AGAP1: variants seen among roughly 807,000 people sequenced by gnomAD.
AGAP1 encodes the protein ArfGAP with GTPase domain, ankyrin repeat and PH domain 1.
A neutral mutation model predicts 105.3 loss-of-function variants in AGAP1; 29 were observed. That is an observed-to-expected ratio of 0.28 (90% CI 0.21 to 0.38). The LOEUF is 0.38. AGAP1 is among the 10% of genes least tolerant of loss of function. AGAP1 has a pLI of 1.00. For synonymous variants in AGAP1, 509 were observed against 485.9 expected, an observed-to-expected ratio of 1.05 and a Z score of -0.63; for missense variants, 998 against 1,165.1, an observed-to-expected ratio of 0.86 and a Z score of 2.09.
chr2:235,740,689 A>G lies in AGAP1; in HGVS notation c.311-274A>G, dbSNP rs1429449673. On this transcript the variant is annotated intron_variant, in intron 3 of 17. Transcript: ENST00000304032. This position sits in a 1 kb window ranked among gnomAD's most constrained non-coding sequence, Gnocchi z 5.7. ...ATTCCTGAATTTACATAGAAAGCCC[A>G]CATGAGAAGTCCACACTAATTGGCC... 6.6e-6 allele frequency among the ~76,000 whole-genome samples: 1 copy of G among 152,258 alleles called. No homozygotes were observed. Among genetic ancestry groups the G allele is most frequent in the Non-Finnish European group, 1.5e-5 (1 of 68,050 alleles).
chr2:235,965,077 T>G lies in AGAP1; in HGVS notation c.1484-3385T>G, dbSNP rs929198600. Among the ~76,000 whole-genome samples, 1 of 152,202 alleles carries G rather than the reference T, an allele frequency of 6.6e-6. No homozygotes were observed. Among genetic ancestry groups the G allele is most frequent in the African/African-American group, 2.4e-5 (1 of 41,438 alleles). On this transcript the variant is annotated intron_variant, in intron 12 of 17. Coordinates refer to ENST00000304032, the MANE Select transcript of AGAP1 (RefSeq NM_001037131.3). The surrounding 1 kb of genome is among the most constrained non-coding windows in gnomAD (Gnocchi z 5.8). Reference sequence around the variant, plus strand: ...ACTGCTGGCTACACCTCGGGTACAGTTAACCAAGGAGGTTTACCAGATGTC... The same window carrying G: ...ACTGCTGGCTACACCTCGGGTACAGGTAACCAAGGAGGTTTACCAGATGTC...
chr2:235,603,434 C>A (rs1011544129), intron 1 of AGAP1, among the ~76,000 whole-genome samples: 4 of 152,152 alleles, frequency 2.6e-5, no homozygotes, highest in African/African-American at 9.7e-5. Flanking sequence ...ACTGTGAGCT[C>A]CCAGAGTGCA....
Position 235,971,089 on chromosome 2 carries a change from C to T in AGAP1, c.1645+2466C>T, listed in dbSNP as rs145822942. On this transcript the variant is annotated intron_variant, in intron 13 of 17. Transcript: ENST00000304032. This position sits in a 1 kb window ranked among gnomAD's most constrained non-coding sequence, Gnocchi z 4.8. Reference sequence around the variant, plus strand: ...TCCAAGGCAGAGGTTCCAAGGGAGCCACCTCACTCTCTAATTAGGAGAGTC... The same window carrying T: ...TCCAAGGCAGAGGTTCCAAGGGAGCTACCTCACTCTCTAATTAGGAGAGTC... 8.8e-3 allele frequency among the ~76,000 whole-genome samples: 1,339 copies of T among 152,274 alleles called. 17 individuals are homozygous for T. The highest frequency in any genetic ancestry group is 0.031 in the African/African-American group (1,277 of 41,548).
rs2050624179 is a variant in AGAP1, at chr2:235,893,155, CCAT to C, written c.1155+9710_1155+9712del. Among the ~76,000 whole-genome samples the C allele has an allele frequency of 1.3e-5, 2 of 150,724 alleles. No individual in the cohort carries two copies. On this transcript the variant is annotated intron_variant, in intron 10 of 17. Transcript: ENST00000304032. The surrounding 1 kb of genome is among the most constrained non-coding windows in gnomAD (Gnocchi z 4.7). Reference sequence around the variant, plus strand: ...GTCTGTGGCGTAGTGTGCACCGTGTCCATCATAAGGGAGCGCTGTGTCTTTGGC... The same window carrying C: ...GTCTGTGGCGTAGTGTGCACCGTGTCCATAAGGGAGCGCTGTGTCTTTGGC...
chr2:235,757,543 C>T (rs565136897), intron 6 of AGAP1, among the ~76,000 whole-genome samples: 30 of 152,318 alleles, frequency 2.0e-4, no homozygotes, highest in South Asian at 4.1e-4. Context: ...GACCTCATTG[C>T]CCCTGGCTTT....
rs555011003 is a variant in AGAP1 at position 235,977,387 on chromosome 2, T to C, written c.1645+8764T>C. On this transcript the variant is annotated intron_variant, in intron 13 of 17. Coordinates refer to ENST00000304032, the MANE Select transcript of AGAP1 (RefSeq NM_001037131.3). This position sits in a 1 kb window ranked among gnomAD's most constrained non-coding sequence, Gnocchi z 5.2. The stretch of plus-strand genomic sequence containing the variant: ...AGGGGCTGGTTCTAGCGGCCAGTGC[T>C]GTTCAACTTGTGTCTTCCTTACTAT... Among the ~76,000 whole-genome samples, 33 of 152,306 alleles carry C rather than the reference T, an allele frequency of 2.2e-4. No individual in the cohort carries two copies. The highest frequency in any genetic ancestry group is 3.7e-4 in the Non-Finnish European group (25 of 68,030).
chr2:235,781,422 A>G (rs1418230025), intron 6 of AGAP1, among the ~76,000 whole-genome samples: 2 of 152,240 alleles, frequency 1.3e-5, no homozygotes, highest in Non-Finnish European at 1.5e-5. Flanking sequence ...CTGTTATCAC[A>G]TGATTAAAGT....
At chr2:235,584,842 T>G (rs1276283765) in intron 1 of AGAP1, among the ~76,000 whole-genome samples, 2 of 150,548 alleles carry the variant, frequency 1.3e-5, no homozygotes, top group African/African-American at 2.4e-5. Context: ...ATTCGTTTTC[T>G]CAGCGGAAAC....
At chr2:235,816,219 C>T (rs1488242364) in intron 9 of AGAP1, among the ~76,000 whole-genome samples, 6 of 151,868 alleles carry the variant, frequency 4.0e-5, no homozygotes, top group South Asian at 4.2e-4. Flanking sequence ...GGGTGGATCG[C>T]GAGGTCAGGA....
chr2:235,942,236 G>A (rs554729886), intron 12 of AGAP1, among the ~76,000 whole-genome samples: 9 of 152,100 alleles, frequency 5.9e-5, no homozygotes, highest in African/African-American at 1.4e-4. Context: ...CAGACAACCC[G>A]CGATTCCCCT....
rs751855368 is a variant in AGAP1 at position 235,981,783 on chromosome 2, C to A, written c.1645+13160C>A. Reference sequence around the variant, plus strand: ...TAAGTAACTTGCTCAAGGCCATAGACGTAGAAAGCAGCGATAGGGCCACCG... The same window carrying A: ...TAAGTAACTTGCTCAAGGCCATAGAAGTAGAAAGCAGCGATAGGGCCACCG... On this transcript the variant is annotated intron_variant, in intron 13 of 17. Transcript: ENST00000304032. This position sits in a 1 kb window ranked among gnomAD's most constrained non-coding sequence, Gnocchi z 5.5. Among the ~76,000 whole-genome samples the A allele has an allele frequency of 6.6e-6, 1 of 152,118 alleles. No homozygotes were observed. Among genetic ancestry groups the A allele is most frequent in the African/African-American group, 2.4e-5 (1 of 41,422 alleles).
chr2:235,726,181 G>A (rs952252460), intron 3 of AGAP1, among the ~76,000 whole-genome samples: 2 of 152,190 alleles, frequency 1.3e-5, no homozygotes, highest in Non-Finnish European at 2.9e-5. Flanking sequence ...GTGATGCAGG[G>A]CTGGGACTTA....
chr2:235,568,823 C>T (rs1944429924), intron 1 of AGAP1, among the ~76,000 whole-genome samples: 1 of 152,274 alleles, frequency 6.6e-6, no homozygotes, highest in South Asian at 2.1e-4. Flanking sequence ...GGCTTGTGGG[C>T]CCATCCTTCA....
At position 235,866,137 on chromosome 2, in the gene AGAP1, G is replaced by A. The variant is rs2049160140; in HGVS notation, c.1051-17208G>A. Among the ~76,000 whole-genome samples, 1 of 152,198 alleles carries A rather than the reference G, an allele frequency of 6.6e-6. No homozygotes were observed. The highest frequency in any genetic ancestry group is 1.5e-5 in the Non-Finnish European group (1 of 68,040). On this transcript the variant is annotated intron_variant, in intron 9 of 17. Transcript: ENST00000304032. The surrounding 1 kb of genome is among the most constrained non-coding windows in gnomAD (Gnocchi z 6.1). ...TGCTGTTTTAGTTAGGCAGCAGCAT[G>A]CGATGCCCTGTGCGCATCTTTATTT... is the stretch of plus-strand genomic sequence containing the variant.
chr2:235,980,610 G>A lies in AGAP1; in HGVS notation c.1645+11987G>A, dbSNP rs974302853. Among the ~76,000 whole-genome samples the A allele has an allele frequency of 2.6e-5, 4 of 152,314 alleles. 1 individual carries two copies. In the South Asian group the frequency reaches 6.2e-4, roughly 24 times the overall value. Reference sequence around the variant, plus strand: ...CAGGTTCCCGGATTGATCCGGGGGAGGCTCTAAGCTTTGAGGAGATCTGGC... The same window carrying A: ...CAGGTTCCCGGATTGATCCGGGGGAAGCTCTAAGCTTTGAGGAGATCTGGC... On this transcript the variant is annotated intron_variant, in intron 13 of 17. Coordinates refer to ENST00000304032, the MANE Select transcript of AGAP1 (RefSeq NM_001037131.3).
chr2:235,536,698 C>G (rs1943250589), intron 1 of AGAP1, among the ~76,000 whole-genome samples: 1 of 151,764 alleles, frequency 6.6e-6, no homozygotes, highest in Non-Finnish European at 1.5e-5. Context: ...ATGTCCTCCA[C>G]CCGTCCCTGA....
chr2:235,773,820 C>T (rs1012561339), intron 6 of AGAP1: 3 of 405,298 alleles, frequency 7.4e-6, no homozygotes, highest in Non-Finnish European at 1.5e-5. Flanking sequence ...CTTTGTTTTC[C>T]TTTACTGTCC....
In AGAP1 at chr2:235,707,619, G is replaced by A. The variant is rs1460130587; in HGVS notation, c.164-1560G>A. Among the ~76,000 whole-genome samples, 27 of 141,868 alleles carry A rather than the reference G, an allele frequency of 1.9e-4. 1 individual carries two copies. Among genetic ancestry groups the A allele is most frequent in the Admixed American group, 1.9e-3 (27 of 14,518 alleles). The allele number at this position is 141,868 out of a possible 152,430, so 93.1% of individuals were successfully genotyped here. A position where few individuals can be genotyped will look rare whatever the true frequency, so the allele number is the denominator to read the frequency against. ...GTTGTGCTCCCCCGGCGTGTGACTTGGTGGGACGTGCTCCCCAGCATGTGA... is the reference window on the plus strand; with the variant it reads ...GTTGTGCTCCCCCGGCGTGTGACTTAGTGGGACGTGCTCCCCAGCATGTGA... On this transcript the variant is annotated intron_variant, in intron 1 of 17. Coordinates refer to ENST00000304032, the MANE Select transcript of AGAP1 (RefSeq NM_001037131.3).
In AGAP1 at chr2:236,044,734, C is replaced by T. The variant is rs2057663833; in HGVS notation, c.1891+3893C>T. Reference sequence around the variant, plus strand: ...CGTCGGGTCTCCTTCCCATTGTCGCCTCTTAGTCCTTCCCTGACCTCCAGG... The same window carrying T: ...CGTCGGGTCTCCTTCCCATTGTCGCTTCTTAGTCCTTCCCTGACCTCCAGG... On this transcript the variant is annotated intron_variant, in intron 15 of 17. Coordinates refer to ENST00000304032, the MANE Select transcript of AGAP1 (RefSeq NM_001037131.3). This position sits in a 1 kb window ranked among gnomAD's most constrained non-coding sequence, Gnocchi z 5.7. 6.6e-6 allele frequency among the ~76,000 whole-genome samples: 1 copy of T among 151,404 alleles called. No homozygotes were observed. The highest frequency in any genetic ancestry group is 1.5e-5 in the Non-Finnish European group (1 of 67,974).
Sources: allele counts gnomAD v4.1 joint callset (sites outside exome capture counted in the v4.1 genomes callset), GRCh38; gene constraint gnomAD v4.1.1; non-coding constraint Gnocchi (gnomAD v3.1); transcripts MANE v1.5; gene names NCBI Gene and HGNC (gene_info 2026-07-23, HGNC 2026-07-21).